Variants in KIAA1328 observed in about 807,000 individuals in gnomAD.
KIAA1328 encodes the protein KIAA1328.
A neutral mutation model predicts 68.1 loss-of-function variants in KIAA1328; 52 were observed. The ratio of observed to expected loss-of-function variants is 0.76; its 90% CI spans 0.61 to 0.96. The LOEUF is 0.96. Ranked by LOEUF, KIAA1328 falls within the 40% of genes least tolerant of loss-of-function variation. The pLI is 0.00. For synonymous variants in KIAA1328, 232 were observed against 239.4 expected (o/e 0.97, Z 0.28); for missense variants, 641 against 677.6 (o/e 0.95, Z 0.60).
At chr18:36,849,045 T>C (rs2047128536) in intron 4 of KIAA1328, among the ~76,000 whole-genome samples, 1 of 151,912 alleles carries the variant, frequency 6.6e-6, no homozygotes, top group Non-Finnish European at 1.5e-5. Context: ...CAGTAAGATA[T>C]ACATAAAATT....
At chr18:37,023,750 AGTGTCCCCC>A in intron 6 of KIAA1328, among the ~76,000 whole-genome samples, 1 of 152,194 alleles carries the variant, frequency 6.6e-6, no homozygotes, top group Admixed American at 6.5e-5. Context: ...TTATCTCTGC[AGTGTCCCCC>A]CATGACAGTT....
intron 7 of KIAA1328, among the ~76,000 whole-genome samples, chr18:37,093,813 T>A (rs2057330012): frequency 6.6e-6 from 1 of 152,196 alleles, no homozygotes; most frequent in South Asian, 2.1e-4. Flanking sequence ...CCCAAATAGA[T>A]TCAACCCAAA....
intron 6 of KIAA1328, among the ~76,000 whole-genome samples, chr18:36,962,311 A>T (rs1011005306): frequency 6.6e-6 from 1 of 152,206 alleles, no homozygotes; most frequent in South Asian, 2.1e-4. Context: ...AAGCACCCAG[A>T]TTCATAAAGC....
In KIAA1328 at chr18:37,222,149, C is replaced by G. The variant is rs9953605; in HGVS notation, c.1656C>G (p.Thr552=). The change falls in exon 10 of 10, where the codon ACC becomes ACG. Residue 552 remains threonine (T), a synonymous_variant. Coordinates refer to ENST00000280020, the MANE Select transcript of KIAA1328 (RefSeq NM_020776.3). ...GTFRLSPLKS[T]RKKMGMHRTP... is the part of the protein sequence containing the mutation. ...TCCGACTCAGTCCTCTAAAATCAAC[C>G]CGGAAGAAGATGGGGATGCACAGAA... 540 of 1,609,454 alleles carry G rather than the reference C, an allele frequency of 3.4e-4. 3 individuals are homozygous for G. In the African/African-American group the frequency reaches 6.5e-3, roughly 19 times the overall value.
At chr18:36,846,734 G>A (rs926305320) in intron 4 of KIAA1328, among the ~76,000 whole-genome samples, 2 of 151,478 alleles carry the variant, frequency 1.3e-5, no homozygotes, top group South Asian at 2.1e-4. Flanking sequence ...CTCTTTTACT[G>A]TCTTTTTTCC....
intron 5 of KIAA1328, among the ~76,000 whole-genome samples, chr18:36,894,327 A>G (rs2048800636): frequency 6.6e-6 from 1 of 152,188 alleles, no homozygotes; most frequent in South Asian, 2.1e-4. Context: ...CCAGATATGT[A>G]GAATGTTTAA....
chr18:37,216,963 C>T (rs757206806), intron 9 of KIAA1328, among the ~76,000 whole-genome samples: 98 of 136,968 alleles, frequency 7.2e-4, no homozygotes, highest in Non-Finnish European at 1.4e-3. Context: ...AGGATTGCAA[C>T]CCCTGCTTTT....
Position 36,980,880 on chromosome 18 carries a change from C to T in KIAA1328, c.576+21445C>T, listed in dbSNP as rs969552904. The stretch of plus-strand genomic sequence containing the variant: ...GGCCATCCCCTTAAGATGGGACTTG[C>T]TTCTCCTTACCTTCTGCCATGATTG... On this transcript the variant is annotated intron_variant, in intron 6 of 9. Coordinates refer to ENST00000280020, the MANE Select transcript of KIAA1328 (RefSeq NM_020776.3). 5.9e-5 allele frequency among the ~76,000 whole-genome samples: 9 copies of T among 152,276 alleles called. No individual in the cohort carries two copies. In the South Asian group the frequency reaches 6.2e-4, roughly 11 times the overall value.
At chr18:37,086,119 CAA>C (rs1253904064) in intron 7 of KIAA1328, among the ~76,000 whole-genome samples, 4 of 152,190 alleles carry the variant, frequency 2.6e-5, no homozygotes, top group Admixed American at 2.6e-4. Context: ...TCAAAGACTG[CAA>C]AGTTTCAGTG....
intron 7 of KIAA1328, among the ~76,000 whole-genome samples, chr18:37,149,780 G>A (rs1319702164): frequency 2.0e-5 from 3 of 152,102 alleles, no homozygotes; most frequent in Non-Finnish European, 4.4e-5. Flanking sequence ...TCTTTGGTAA[G>A]TCATGCAGTG....
chr18:37,160,322 A>G lies in KIAA1328; in HGVS notation c.1355A>G (p.His452Arg). The change falls in exon 8 of 10, where the codon CAT becomes CGT. Residue 452 changes from histidine to arginine, a missense_variant. Transcript: ENST00000280020. The stretch of plus-strand genomic sequence containing the variant: ...AGGAAGACAGTTGGGTTTCATTCGC[A>G]TATGAAAGATGATGCCCAGTGGTCA... ...KERKTVGFHS[H>R]MKDDAQWSCQ... 1.2e-6 allele frequency: 2 copies of G among 1,613,724 alleles called. No individual in the cohort carries two copies. Among genetic ancestry groups the G allele is most frequent in the Middle Eastern group, 1.6e-4 (1 of 6,062 alleles).
chr18:37,131,787 T>A (rs998052365), intron 7 of KIAA1328, among the ~76,000 whole-genome samples: 2 of 152,168 alleles, frequency 1.3e-5, no homozygotes, highest in Non-Finnish European at 2.9e-5. Context: ...GTAGCATGAT[T>A]GATTTAAACT....
At chr18:36,930,946 A>G (rs967995698) in intron 5 of KIAA1328, among the ~76,000 whole-genome samples, 1 of 152,106 alleles carries the variant, frequency 6.6e-6, no homozygotes, top group Non-Finnish European at 1.5e-5. Context: ...TGTAATTATT[A>G]AAGTGAACAT....
intron 3 of KIAA1328, among the ~76,000 whole-genome samples, chr18:36,835,732 ATAGATGAACCCTCGTAAAG>A (rs2046651407): frequency 6.6e-6 from 1 of 152,180 alleles, no homozygotes; most frequent in Non-Finnish European, 1.5e-5. Context: ...AATTTATTTG[ATAGATGAACCCTCGTAAAG>A]ATGAGGGACA....
intron 2 of KIAA1328, 120 bp downstream of exon 2, chr18:36,834,475 A>G: frequency 1.2e-6 from 1 of 805,148 alleles, no homozygotes; most frequent in Non-Finnish European, 1.7e-6. Flanking sequence ...AGTACATCAA[A>G]ACCTAAAATT....
At chr18:37,116,547 C>T (rs1325507420) in intron 7 of KIAA1328, among the ~76,000 whole-genome samples, 5 of 152,306 alleles carry the variant, frequency 3.3e-5, no homozygotes, top group African/African-American at 1.2e-4. Flanking sequence ...AGACCTAACA[C>T]TATAAAAACC....
chr18:36,874,247 C>G (rs549220941), intron 4 of KIAA1328, among the ~76,000 whole-genome samples: 2 of 152,284 alleles, frequency 1.3e-5, no homozygotes, highest in South Asian at 2.1e-4. Flanking sequence ...GTTCTAGATA[C>G]TTGAGGAATC....
chr18:37,063,670 C>T (rs1240767629), intron 6 of KIAA1328: 4 of 985,050 alleles, frequency 4.1e-6, no homozygotes, highest in African/African-American at 3.5e-5. Context: ...GCAAAGCATT[C>T]GTTAAAATCA....
chr18:36,935,948 C>A (rs1425930044), intron 5 of KIAA1328, among the ~76,000 whole-genome samples: 1 of 152,144 alleles, frequency 6.6e-6, no homozygotes, highest in Admixed American at 6.6e-5. Flanking sequence ...TATGAAGATG[C>A]TGTGATTAAG....
Sources: gnomAD v4.1 joint callset for allele counts (sites outside exome capture counted in the v4.1 genomes callset) on GRCh38, gnomAD v4.1.1 for gene constraint, MANE v1.5 for transcripts, NCBI Gene and HGNC (gene_info 2026-07-23, HGNC 2026-07-21) for gene names.